The following XKR6 variants were observed in gnomAD, a reference collection of about 807,000 sequenced individuals.
XKR6 encodes XK-related protein 6.
Under a neutral mutation model 56.7 loss-of-function variants are expected in XKR6, and 22 were observed. That is an observed-to-expected ratio of 0.39 (90% CI 0.28 to 0.55). The LOEUF is 0.55. Ranked by LOEUF, XKR6 falls within the 20% of genes least tolerant of loss-of-function variation. The pLI, the probability that XKR6 is intolerant of heterozygous loss-of-function variation, is 0.66. For missense variants in XKR6, 852 were observed against 889.0 expected (o/e 0.96, Z 0.53); for synonymous variants, 524 against 387.8 (o/e 1.35, Z -4.13).
intron 1 of XKR6, among the ~76,000 whole-genome samples, chr8:11,144,224 G>GTC (rs1800863255): frequency 4.5e-5 from 1 of 22,024 alleles, no homozygotes. Flanking sequence ...TAAATAAAAA[G>GTC]TGTGTGTGTG....
chr8:10,964,979 G>C (rs1230438852), intron 1 of XKR6, among the ~76,000 whole-genome samples: 1 of 152,176 alleles, frequency 6.6e-6, no homozygotes, highest in Non-Finnish European at 1.5e-5. Flanking sequence ...TCCTCCACTA[G>C]GGATCCAACC....
chr8:11,000,412 G>A (rs1464419600), intron 1 of XKR6, among the ~76,000 whole-genome samples: 2 of 152,194 alleles, frequency 1.3e-5, no homozygotes, highest in Non-Finnish European at 1.5e-5. Context: ...TAGGCCAGGT[G>A]TGGTAGCTCA....
At chr8:11,028,423 G>T (rs1011830577) in intron 1 of XKR6, among the ~76,000 whole-genome samples, 1 of 152,218 alleles carries the variant, frequency 6.6e-6, no homozygotes, top group Non-Finnish European at 1.5e-5. Context: ...TCTGTATGCA[G>T]ATTTTTGTGG....
chr8:11,094,723 G>T (rs1798212972), intron 1 of XKR6, among the ~76,000 whole-genome samples: 1 of 152,134 alleles, frequency 6.6e-6, no homozygotes, highest in Admixed American at 6.6e-5. Flanking sequence ...GACCTCTGGG[G>T]TGGCATCAAC....
intron 1 of XKR6, among the ~76,000 whole-genome samples, chr8:10,929,859 C>T (rs982941861): frequency 1.3e-5 from 2 of 152,182 alleles, no homozygotes; most frequent in Non-Finnish European, 2.9e-5. Flanking sequence ...CTCCAGCCCA[C>T]TCTGCTTATA....
intron 1 of XKR6, among the ~76,000 whole-genome samples, chr8:11,113,371 A>G (rs868509442): frequency 1.3e-5 from 2 of 152,236 alleles, no homozygotes; most frequent in African/African-American, 2.4e-5. Flanking sequence ...TAATAATTAA[A>G]TAACACTCCC....
At chr8:11,100,834 C>A (rs1340029057) in intron 1 of XKR6, among the ~76,000 whole-genome samples, 1 of 152,174 alleles carries the variant, frequency 6.6e-6, no homozygotes, top group Non-Finnish European at 1.5e-5. Flanking sequence ...GCTACAAAAG[C>A]TTTTGTTGGC....
At chr8:11,107,239 G>T (rs547031092) in intron 1 of XKR6, among the ~76,000 whole-genome samples, 2 of 149,120 alleles carry the variant, frequency 1.3e-5, no homozygotes, top group African/African-American at 5.0e-5. Context: ...TCACTCCATC[G>T]CCTGGGATGA....
At chr8:10,901,754 G>A (rs993344547) in intron 2 of XKR6, among the ~76,000 whole-genome samples, 20 of 152,180 alleles carry the variant, frequency 1.3e-4, no homozygotes, top group African/African-American at 4.8e-4. Flanking sequence ...AAGCAAGAAG[G>A]AGCAGCTTAG....
At chr8:11,050,287 G>A (rs1799512417) in intron 1 of XKR6, among the ~76,000 whole-genome samples, 3 of 152,094 alleles carry the variant, frequency 2.0e-5, no homozygotes, top group Admixed American at 1.3e-4. Context: ...TCGAGATCGC[G>A]GCTGATCTCA....
intron 1 of XKR6, among the ~76,000 whole-genome samples, chr8:11,097,576 G>T (rs557263727): frequency 6.6e-6 from 1 of 151,892 alleles, no homozygotes; most frequent in African/African-American, 2.4e-5. Flanking sequence ...GGGAGGCCGG[G>T]GTGGGCGTAT....
At chr8:11,038,538 T>C (rs977890781) in intron 1 of XKR6, among the ~76,000 whole-genome samples, 10 of 148,720 alleles carry the variant, frequency 6.7e-5, no homozygotes, top group African/African-American at 2.6e-4. Context: ...TGTGTGTGTG[T>C]GTGTGTGTGT....
chr8:11,007,837 T>G (rs1798405777), intron 1 of XKR6, among the ~76,000 whole-genome samples: 1 of 152,120 alleles, frequency 6.6e-6, no homozygotes, highest in South Asian at 2.1e-4. Context: ...GCTTGTATCT[T>G]TTCCTAGCGG....
chr8:11,089,569 C>A (rs759328955), intron 1 of XKR6, among the ~76,000 whole-genome samples: 1 of 152,034 alleles, frequency 6.6e-6, no homozygotes, highest in Non-Finnish European at 1.5e-5. Flanking sequence ...TCTAGGAGCT[C>A]GAGGCTGCAG....
chr8:11,104,351 C>T (rs1474922429), intron 1 of XKR6, among the ~76,000 whole-genome samples: 1 of 152,234 alleles, frequency 6.6e-6, no homozygotes, highest in Non-Finnish European at 1.5e-5. Flanking sequence ...AGGAAGAAAT[C>T]TCAGTATCTT....
At chr8:11,066,665 A>T (rs1799987106) in intron 1 of XKR6, among the ~76,000 whole-genome samples, 1 of 152,228 alleles carries the variant, frequency 6.6e-6, no homozygotes, top group Non-Finnish European at 1.5e-5. Flanking sequence ...CGTGGACAGC[A>T]CTTTAGAGTT....
At chr8:11,110,708 G>A (rs567807302) in intron 1 of XKR6, among the ~76,000 whole-genome samples, 6 of 152,298 alleles carry the variant, frequency 3.9e-5, no homozygotes, top group South Asian at 2.1e-4. Context: ...ATAGCCGCTC[G>A]AGGACTTTCT....
At chr8:11,177,495 T>G (rs972263400) in intron 1 of XKR6, among the ~76,000 whole-genome samples, 7 of 151,992 alleles carry the variant, frequency 4.6e-5, no homozygotes, top group Non-Finnish European at 1.0e-4. Context: ...CCTAACCCCC[T>G]CCCCCAAAAA....
rs566898416 is a variant in XKR6, at chr8:11,091,644, C to T, written c.764+108932G>A. On this transcript the variant is annotated intron_variant, in intron 1 of 2. Transcript: ENST00000416569. ...GGGAGTTGGTTTTACATGTGCTGCC[C>T]TGAGATGCCGGTGTTAAGTCTTACA... 2.0e-5 allele frequency among the ~76,000 whole-genome samples: 3 copies of T among 152,120 alleles called. No homozygotes were observed. In the South Asian group the frequency reaches 6.3e-4, roughly 32 times the overall value.
Sources: gnomAD v4.1 joint callset for allele counts (sites outside exome capture counted in the v4.1 genomes callset) on GRCh38, gnomAD v4.1.1 for gene constraint, MANE v1.5 for transcripts, NCBI Gene and HGNC (gene_info 2026-07-23, HGNC 2026-07-21) for gene names.